DLGAP2: variants seen among roughly 807,000 people sequenced by gnomAD.
DLGAP2 encodes the protein DLG associated protein 2.
A neutral mutation model predicts 100.3 loss-of-function variants in DLGAP2; 26 were observed. That is an observed-to-expected ratio of 0.26 (90% CI 0.19 to 0.36). DLGAP2 has a LOEUF of 0.36. DLGAP2 is among the 10% of genes least tolerant of loss of function. The pLI, the probability that DLGAP2 is intolerant of heterozygous loss-of-function variation, is 1.00. For synonymous variants in DLGAP2, 886 were observed against 630.1 expected, an observed-to-expected ratio of 1.41 and a Z score of -6.08; for missense variants, 1,858 against 1,453.2, an observed-to-expected ratio of 1.28 and a Z score of -4.53.
At chr8:785,949 C>T (rs1240865402) in intron 1 of DLGAP2, among the ~76,000 whole-genome samples, 2 of 152,186 alleles carry the variant, frequency 1.3e-5, no homozygotes, top group Admixed American at 1.3e-4. Flanking sequence ...AATGAGGGAA[C>T]GGGAGCACCA....
intron 2 of DLGAP2, among the ~76,000 whole-genome samples, chr8:1,136,995 C>A (rs1406252610): frequency 6.6e-6 from 1 of 152,184 alleles, no homozygotes; most frequent in Non-Finnish European, 1.5e-5. Flanking sequence ...GGTGCCCAGC[C>A]ACTGTGCTAG....
intron 14 of DLGAP2, among the ~76,000 whole-genome samples, chr8:1,700,760 C>T (rs529332280): frequency 6.6e-6 from 1 of 152,338 alleles, no homozygotes; most frequent in East Asian, 1.9e-4. Flanking sequence ...ATCCCAGAGT[C>T]TGCAGAAAAC....
At chr8:740,737 AT>A (rs1203353924) in intron 1 of DLGAP2, among the ~76,000 whole-genome samples, 1 of 152,242 alleles carries the variant, frequency 6.6e-6, no homozygotes. Context: ...AAATGCTATA[AT>A]TTTTTTATTA....
At chr8:1,066,367 G>C (rs1253564464) in intron 2 of DLGAP2, among the ~76,000 whole-genome samples, 1 of 150,610 alleles carries the variant, frequency 6.6e-6, no homozygotes, top group South Asian at 2.1e-4. Flanking sequence ...GTCTGAGTGA[G>C]GACAGTTCCC....
chr8:1,702,765 G>A lies in DLGAP2; in HGVS notation c.*1359G>A, dbSNP rs757527678. 1 of 152,258 alleles carries A rather than the reference G, an allele frequency of 6.6e-6. No homozygotes were observed. Among genetic ancestry groups the A allele is most frequent in the African/African-American group, 2.4e-5 (1 of 41,440 alleles). 9.4% of individuals were successfully genotyped at this position (152,258 alleles called of 1,614,324 possible). A position where few individuals can be genotyped will look rare whatever the true frequency, so the allele number is the denominator to read the frequency against. On this transcript the variant is annotated 3_prime_UTR_variant, in exon 15 of 15. Coordinates refer to ENST00000637795, the MANE Select transcript of DLGAP2 (RefSeq NM_001346810.2). ...CGACTTCTGTTTCACAGTTCAGACC[G>A]GTCTTCAAAGGAAAAGCCTGTCCGA... is the stretch of plus-strand genomic sequence containing the variant.
At chr8:1,337,425 G>T (rs1259228229) in intron 3 of DLGAP2, among the ~76,000 whole-genome samples, 1 of 111,638 alleles carries the variant, frequency 9.0e-6, no homozygotes, top group African/African-American at 2.8e-5. Flanking sequence ...TGAGGATGAT[G>T]GTGATGGTGA....
chr8:987,384 A>G (rs957663967), intron 2 of DLGAP2, among the ~76,000 whole-genome samples: 2 of 152,138 alleles, frequency 1.3e-5, no homozygotes, highest in South Asian at 2.1e-4. Context: ...GCACACCTGT[A>G]GAAATCGTGT....
At chr8:1,294,104 G>T (rs778720686) in intron 3 of DLGAP2, among the ~76,000 whole-genome samples, 5 of 152,156 alleles carry the variant, frequency 3.3e-5, no homozygotes, top group Non-Finnish European at 7.3e-5. Context: ...CTATGTGGAG[G>T]AGCAGGTGGT....
chr8:1,218,334 T>C (rs79775434), intron 2 of DLGAP2, among the ~76,000 whole-genome samples: 2,831 of 152,308 alleles, frequency 0.019, 97 homozygotes, highest in African/African-American at 0.064. Context: ...GCACCGTTTA[T>C]TGAATAGCAA....
chr8:810,087 C>G (rs530940590), intron 1 of DLGAP2, among the ~76,000 whole-genome samples: 1 of 152,324 alleles, frequency 6.6e-6, no homozygotes, highest in South Asian at 2.1e-4. Flanking sequence ...TGTGTCCATC[C>G]CTTTCTAACT....
chr8:1,239,431 T>C (rs1389124011), intron 2 of DLGAP2, among the ~76,000 whole-genome samples: 4 of 14,940 alleles, frequency 2.7e-4, no homozygotes, highest in African/African-American at 6.2e-4. Flanking sequence ...TGTCTAGTTC[T>C]CTCTCACATG....
intron 3 of DLGAP2, among the ~76,000 whole-genome samples, chr8:1,389,770 G>A (rs13275126): frequency 2.0e-5 from 3 of 151,902 alleles, no homozygotes; most frequent in African/African-American, 7.3e-5. Flanking sequence ...GGACCTACAG[G>A]TACAACCCCG....
chr8:778,880 T>A (rs1821604621), intron 1 of DLGAP2, among the ~76,000 whole-genome samples: 1 of 152,234 alleles, frequency 6.6e-6, no homozygotes, highest in Admixed American at 6.5e-5. Flanking sequence ...CAGTTCGAGC[T>A]TCCCGGCTGC....
chr8:1,222,088 C>T (rs1798325078), intron 2 of DLGAP2, among the ~76,000 whole-genome samples: 1 of 152,132 alleles, frequency 6.6e-6, no homozygotes. Context: ...TTGTTTCAGC[C>T]ATTTCAATCT....
intron 2 of DLGAP2, among the ~76,000 whole-genome samples, chr8:1,034,517 A>G (rs79645979): frequency 5.6e-4 from 31 of 54,954 alleles, no homozygotes; most frequent in East Asian, 1.3e-3. Flanking sequence ...CCGCGAGTGG[A>G]TTCACACCCT....
intron 3 of DLGAP2, among the ~76,000 whole-genome samples, chr8:1,361,345 C>T (rs755155254): frequency 2.0e-5 from 3 of 152,234 alleles, no homozygotes; most frequent in Non-Finnish European, 2.9e-5. Flanking sequence ...ACAGTCTCTA[C>T]TTCAGATGCT....
At chr8:1,545,019 C>G (rs186050765) in intron 4 of DLGAP2, among the ~76,000 whole-genome samples, 1 of 152,118 alleles carries the variant, frequency 6.6e-6, no homozygotes. Context: ...GCATGAGCCA[C>G]CATACCTGGA....
At chr8:1,270,585 G>A (rs1318155205) in intron 3 of DLGAP2, among the ~76,000 whole-genome samples, 1 of 152,174 alleles carries the variant, frequency 6.6e-6, no homozygotes, top group Non-Finnish European at 1.5e-5. Flanking sequence ...TTAATTTGAA[G>A]TGGGGGCTTC....
intron 1 of DLGAP2, chr8:753,836 C>G (rs991112783): frequency 1.3e-5 from 2 of 152,264 alleles, no homozygotes; most frequent in South Asian, 2.1e-4. Flanking sequence ...ACAGAGAAAG[C>G]TGGGTATGTT....
Sources: gnomAD v4.1 joint callset for allele counts (sites outside exome capture counted in the v4.1 genomes callset) on GRCh38, gnomAD v4.1.1 for gene constraint, MANE v1.5 for transcripts, NCBI Gene and HGNC (gene_info 2026-07-23, HGNC 2026-07-21) for gene names.